Variants in IL1R1 observed in about 807,000 individuals in gnomAD.
IL1R1 encodes the protein interleukin-1 receptor type 1.
Under a neutral mutation model 50.2 loss-of-function variants are expected in IL1R1, and 22 were observed. That is an observed-to-expected ratio of 0.44 (90% confidence interval 0.31 to 0.63). The LOEUF is 0.63. IL1R1 is among the 20% of genes least tolerant of loss of function. IL1R1 has a pLI of 0.07. For synonymous variants in IL1R1, 251 were observed against 236.7 expected, an observed-to-expected ratio of 1.06 and a Z score of -0.55; for missense variants, 509 against 676.2, an observed-to-expected ratio of 0.75 and a Z score of 2.74.
chr2:102,152,409 G>A (rs1317467170), intron 1 of IL1R1, among the ~76,000 whole-genome samples: 2 of 149,208 alleles, frequency 1.3e-5, no homozygotes, highest in African/African-American at 2.5e-5. Flanking sequence ...GGAGGCTGAG[G>A]CAGGAGAATG....
intron 1 of IL1R1, among the ~76,000 whole-genome samples, chr2:102,083,640 A>C (rs534646153): frequency 6.6e-6 from 1 of 152,252 alleles, no homozygotes; most frequent in East Asian, 1.9e-4. Context: ...AGCTGTGCTA[A>C]TGCTTTTTAA....
intron 1 of IL1R1, among the ~76,000 whole-genome samples, chr2:102,144,716 GA>G (rs1682965447): frequency 6.6e-6 from 1 of 152,168 alleles, no homozygotes; most frequent in Admixed American, 6.5e-5. Context: ...GGGGGTCTTT[GA>G]AATCCGCCCC....
intron 1 of IL1R1, among the ~76,000 whole-genome samples, chr2:102,116,151 G>C (rs140708148): frequency 2.0e-5 from 3 of 152,326 alleles, no homozygotes; most frequent in African/African-American, 7.2e-5. Context: ...AGATGGTTCA[G>C]ATGTCCCCCA....
At chr2:102,175,143 C>A (rs1686015394) in intron 10 of IL1R1, among the ~76,000 whole-genome samples, 2 of 150,662 alleles carry the variant, frequency 1.3e-5, no homozygotes, top group Admixed American at 6.6e-5. Context: ...AGGAATACCA[C>A]AATATCTAAA....
intron 1 of IL1R1, among the ~76,000 whole-genome samples, chr2:102,086,816 T>G (rs1679451105): frequency 6.6e-6 from 1 of 152,198 alleles, no homozygotes; most frequent in Non-Finnish European, 1.5e-5. Context: ...TATTTGAACA[T>G]GTTTCTCTTT....
chr2:102,172,313 A>C, intron 8 of IL1R1: 1 of 985,244 alleles, frequency 1.0e-6, no homozygotes, highest in Non-Finnish European at 1.2e-6. Context: ...CTATGGGACA[A>C]GGATCTCCTG....
intron 1 of IL1R1, among the ~76,000 whole-genome samples, chr2:102,096,539 C>CT (rs1403970846): frequency 1.3e-5 from 2 of 151,468 alleles, no homozygotes; most frequent in Non-Finnish European, 2.9e-5. Flanking sequence ...CTGTTTTTGT[C>CT]TTTTTTTGCC....
chr2:102,139,472 C>T (rs1274294241), upstream of IL1R1, among the ~76,000 whole-genome samples: 1 of 152,218 alleles, frequency 6.6e-6, no homozygotes, highest in South Asian at 2.1e-4. Flanking sequence ...TCTCCATCAA[C>T]CTCTTCAGTC....
chr2:102,116,140 G>A (rs531538941), intron 1 of IL1R1, among the ~76,000 whole-genome samples: 2 of 152,328 alleles, frequency 1.3e-5, no homozygotes, highest in East Asian at 1.9e-4. Flanking sequence ...GCACTGGGTC[G>A]AGATGGTTCA....
chr2:102,149,625 A>T (rs2104481210), intron 1 of IL1R1, among the ~76,000 whole-genome samples: 1 of 152,186 alleles, frequency 6.6e-6, no homozygotes, highest in African/African-American at 2.4e-5. Context: ...TTCCCTCCCC[A>T]AACACCCTGG....
intron 1 of IL1R1, among the ~76,000 whole-genome samples, chr2:102,089,417 A>G (rs533302190): frequency 2.6e-5 from 4 of 152,314 alleles, no homozygotes; most frequent in South Asian, 2.1e-4. Flanking sequence ...CCTCAAAACA[A>G]TTACGATAGT....
intron 1 of IL1R1, among the ~76,000 whole-genome samples, chr2:102,122,842 T>A (rs1250044853): frequency 2.0e-5 from 3 of 152,226 alleles, no homozygotes; most frequent in African/African-American, 7.2e-5. Flanking sequence ...CACTTTGTTT[T>A]GACTCCATCT....
At chr2:102,147,620 T>C (rs1683270988) in intron 1 of IL1R1, among the ~76,000 whole-genome samples, 1 of 152,118 alleles carries the variant, frequency 6.6e-6, no homozygotes, top group African/African-American at 2.4e-5. Flanking sequence ...AGAAGGTTTG[T>C]AGGGGTGAGA....
intron 1 of IL1R1, among the ~76,000 whole-genome samples, chr2:102,147,490 T>A (rs1194674228): frequency 6.6e-6 from 1 of 151,964 alleles, no homozygotes; most frequent in Non-Finnish European, 1.5e-5. Flanking sequence ...GGAGAGGAGA[T>A]GTGTTGGAGT....
chr2:102,159,226 G>A (rs991017472), intron 3 of IL1R1, among the ~76,000 whole-genome samples: 2 of 152,188 alleles, frequency 1.3e-5, no homozygotes. Flanking sequence ...CTCAGCAAGC[G>A]GCTGGTATGA....
At chr2:102,101,458 G>A (rs759264318), upstream of IL1R1, among the ~76,000 whole-genome samples, 3 of 152,158 alleles carry the variant, frequency 2.0e-5, no homozygotes, top group African/African-American at 7.2e-5. Context: ...GGGAGCCAAG[G>A]TTAGATTCTA....
rs1039093656 is a variant in IL1R1 at position 102,096,973 on chromosome 2, C to T, written c.-84+26440C>T. 4.0e-5 allele frequency among the ~76,000 whole-genome samples: 6 copies of T among 151,324 alleles called. No homozygotes were observed. In the East Asian group the frequency reaches 5.8e-4, roughly 15 times the overall value. ...TGTCCCAGAAGCTGTTATTGAACAA[C>T]GTGCATTGCCACCTCTGTCATGTAC... On this transcript the variant is annotated intron_variant, in intron 1 of 11. Transcript: ENST00000409929.
At position 102,176,286 on chromosome 2, in the gene IL1R1, CT is replaced by C. The variant is rs1393849977; in HGVS notation, c.1304-64del. The C allele has an allele frequency of 2.8e-6, 4 of 1,427,822 alleles. No individual in the cohort carries two copies. In the African/African-American group the frequency reaches 4.3e-5, roughly 15 times the overall value. The allele number at this position is 1,427,822 out of a possible 1,614,324, so 88.4% of individuals were successfully genotyped here. ...TACGGTTGTGAAAAGCCTTGTGTGG[CT>C]TTGGTTCAGGAGAGAATGATGATAA... On this transcript the variant is annotated intron_variant, in intron 11 of 11. Coordinates refer to ENST00000410023, the MANE Select transcript of IL1R1 (RefSeq NM_000877.4).
At chr2:102,103,648 T>A (rs1376277692), upstream of IL1R1, among the ~76,000 whole-genome samples, 2 of 152,068 alleles carry the variant, frequency 1.3e-5, no homozygotes, top group African/African-American at 4.8e-5. Context: ...GGACTCTGTA[T>A]CATGTTGAGA....
Sources: allele counts gnomAD v4.1 joint callset (sites outside exome capture counted in the v4.1 genomes callset), GRCh38; gene constraint gnomAD v4.1.1; transcripts MANE v1.5; gene names NCBI Gene and HGNC (gene_info 2026-07-23, HGNC 2026-07-21).